PDE4C: variants seen among roughly 807,000 people sequenced by gnomAD.
The protein encoded by PDE4C is phosphodiesterase 4C.
PDE4C carries 50 observed loss-of-function variants against 63.9 expected under a neutral mutation model. That is an observed-to-expected ratio of 0.78 (90% CI 0.62 to 0.99). PDE4C has a LOEUF of 0.99. Among genes scored for constraint, PDE4C ranks in the 50% least tolerant of loss-of-function variants. PDE4C has a pLI of 0.00. For synonymous variants in PDE4C, 377 were observed against 385.1 expected, an observed-to-expected ratio of 0.98 and a Z score of 0.25; for missense variants, 777 against 899.1, an observed-to-expected ratio of 0.86 and a Z score of 1.74.
upstream of PDE4C, among the ~76,000 whole-genome samples, chr19:18,229,036 A>G (rs1271245784): frequency 6.6e-6 from 1 of 151,962 alleles, no homozygotes; most frequent in Non-Finnish European, 1.5e-5. Flanking sequence ...CCTGGGTTCA[A>G]GCAATTCTCC....
intron 1 of PDE4C, 60 bp downstream of exon 1, chr19:18,226,210 C>G (rs1600090829): frequency 7.1e-7 from 1 of 1,400,912 alleles, no homozygotes; most frequent in Non-Finnish European, 9.8e-7. Context: ...CTGTCCCTGC[C>G]CTTCCCACCT....
chr19:18,216,991 T>C lies in PDE4C; in HGVS notation c.1235-96A>G, dbSNP rs907487373. 30 of 1,392,740 alleles carry C rather than the reference T, an allele frequency of 2.2e-5. 1 individual carries two copies. In the South Asian group the frequency reaches 3.0e-4, roughly 14 times the overall value. 86.3% of individuals were successfully genotyped at this position (1,392,740 alleles called of 1,614,324 possible). On this transcript the variant is annotated intron_variant, in intron 11 of 14. Transcript: ENST00000262805. ...GAAATCCTTAGCAAACTCCTACCCATGCGTTGAAGGCCCAACTCTAGCATG... is the reference window on the plus strand; with the variant it reads ...GAAATCCTTAGCAAACTCCTACCCACGCGTTGAAGGCCCAACTCTAGCATG...
intron 1 of PDE4C, among the ~76,000 whole-genome samples, chr19:18,240,534 C>T (rs1490167922): frequency 1.3e-5 from 2 of 151,870 alleles, no homozygotes; most frequent in East Asian, 3.9e-4. Flanking sequence ...GAGACCAGCC[C>T]GGCCAACATG....
rs551196557 is a variant in PDE4C, at chr19:18,246,572, C to T, written c.-210+1599G>A. Reference sequence around the variant, plus strand: ...GCAGCTACGCCTGCCCTAGGAGACCCGAGGCTCACCCTGAGCACCCTCATT... The same window carrying T: ...GCAGCTACGCCTGCCCTAGGAGACCTGAGGCTCACCCTGAGCACCCTCATT... On this transcript the variant is annotated intron_variant, in intron 1 of 15. Transcript: ENST00000594617. 1.7e-4 allele frequency among the ~76,000 whole-genome samples: 26 copies of T among 152,110 alleles called. No individual in the cohort carries two copies. The East Asian group carries it at 4.1e-3, about 24-fold the overall frequency.
upstream of PDE4C, chr19:18,250,239 C>T (rs1969216274): frequency 7.5e-6 from 3 of 398,990 alleles, no homozygotes; most frequent in South Asian, 2.5e-4. Context: ...CCAGGTTGGC[C>T]CTGCTTGGGA....
exon 1 of PDE4C, chr19:18,233,469 C>G (rs1968894808): frequency 1.5e-6 from 1 of 675,060 alleles, no homozygotes; most frequent in Non-Finnish European, 2.7e-6. Flanking sequence ...AGAGACCCCC[C>G]CCCAACACAC....
chr19:18,246,582 C>G (rs954630745), intron 1 of PDE4C, among the ~76,000 whole-genome samples: 1 of 152,050 alleles, frequency 6.6e-6, no homozygotes, highest in Admixed American at 6.6e-5. Flanking sequence ...CGAGGCTCAC[C>G]CTGAGCACCC....
At chr19:18,211,154 G>C (rs375627638) in exon 15 of PDE4C, 1 of 1,614,028 alleles carries the variant, frequency 6.2e-7, no homozygotes, top group African/African-American at 1.3e-5. Flanking sequence ...GACTTCGGGG[G>C]ATCTTGCTCT....
At chr19:18,247,713 T>C (rs1398441947) in intron 1 of PDE4C, among the ~76,000 whole-genome samples, 1 of 152,094 alleles carries the variant, frequency 6.6e-6, no homozygotes, top group Non-Finnish European at 1.5e-5. Context: ...CTGTGCCTCA[T>C]GCTGCTGGCA....
intron 1 of PDE4C, among the ~76,000 whole-genome samples, chr19:18,242,232 T>C (rs1001023521): frequency 6.6e-6 from 1 of 151,808 alleles, no homozygotes; most frequent in African/African-American, 2.4e-5. Flanking sequence ...TCCCAGCACT[T>C]TGGGAGGCCG....
upstream of PDE4C, among the ~76,000 whole-genome samples, chr19:18,231,252 C>A (rs1437831863): frequency 2.0e-5 from 3 of 152,234 alleles, no homozygotes; most frequent in Non-Finnish European, 4.4e-5. Flanking sequence ...TGTGTGACTG[C>A]AGCGCATACG....
At chr19:18,235,206 T>G (rs1968930501), upstream of PDE4C, among the ~76,000 whole-genome samples, 1 of 152,168 alleles carries the variant, frequency 6.6e-6, no homozygotes, top group Admixed American at 6.6e-5. Flanking sequence ...AGTCTCACTG[T>G]GTTACCCAGG....
chr19:18,248,077 C>T, intron 1 of PDE4C: 1 of 430,930 alleles, frequency 2.3e-6, no homozygotes, highest in South Asian at 1.6e-5. Flanking sequence ...CTGATGGTTT[C>T]AGGGGGATTA....
chr19:18,215,500 A>T (rs79145310), intron 12 of PDE4C, among the ~76,000 whole-genome samples: 2 of 147,638 alleles, frequency 1.4e-5, no homozygotes, highest in African/African-American at 2.5e-5. Context: ...AAAAAAAAAA[A>T]TTCAAATGGA....
exon 1 of PDE4C, chr19:18,226,373 A>G (rs1465327718): frequency 2.7e-6 from 4 of 1,486,004 alleles, no homozygotes; most frequent in Non-Finnish European, 3.6e-6. Flanking sequence ...CCCCGAGGGG[A>G]GCCGGGCCCG....
exon 11 of PDE4C, chr19:18,218,157 A>G: frequency 6.2e-7 from 1 of 1,613,444 alleles, no homozygotes; most frequent in Non-Finnish European, 8.5e-7. Flanking sequence ...ACTGGTGTTA[A>G]TCAGAAACTG....
At chr19:18,251,051 C>T (rs950834265), upstream of PDE4C, among the ~76,000 whole-genome samples, 1 of 152,068 alleles carries the variant, frequency 6.6e-6, no homozygotes, top group African/African-American at 2.4e-5. Context: ...GCTGGGATTA[C>T]AGGCGTGGGC....
upstream of PDE4C, among the ~76,000 whole-genome samples, chr19:18,238,239 T>TC (rs1020790673): frequency 9.5e-5 from 12 of 126,894 alleles, no homozygotes; most frequent in African/African-American, 1.5e-4. Context: ...TCTCTCTCTC[T>TC]TTTTTTTTTT....
At chr19:18,224,424 T>A (rs564329704) in intron 1 of PDE4C, 1 of 985,370 alleles carries the variant, frequency 1.0e-6, no homozygotes, top group Admixed American at 6.1e-5. Context: ...CAGATCTGGG[T>A]AGAGGTGGGG....
Sources: gnomAD v4.1 joint callset for allele counts (sites outside exome capture counted in the v4.1 genomes callset) on GRCh38, gnomAD v4.1.1 for gene constraint, MANE v1.5 for transcripts, NCBI Gene and HGNC (gene_info 2026-07-23, HGNC 2026-07-21) for gene names.